Variants in C10orf90 observed in about 807,000 individuals in gnomAD.
The protein encoded by C10orf90 is chromosome 10 open reading frame 90, also known as (E2-independent) E3 ubiquitin-conjugating enzyme FATS.
A neutral mutation model predicts 62.5 loss-of-function variants in C10orf90; 56 were observed. The observed-to-expected ratio is 0.90, with a 90% CI of 0.72 to 1.12. C10orf90 has a LOEUF of 1.12. C10orf90 is among the 50% of genes most tolerant of loss of function. The pLI is 0.00. For missense variants in C10orf90, 970 were observed against 880.4 expected (o/e 1.10, Z -1.29); for synonymous variants, 386 against 340.4 (o/e 1.13, Z -1.47).
intron 1 of C10orf90, among the ~76,000 whole-genome samples, chr10:126,669,400 T>C (rs1846700501): frequency 6.6e-6 from 1 of 152,232 alleles, no homozygotes; most frequent in Non-Finnish European, 1.5e-5. Context: ...CCAGTATTCA[T>C]GGGAAGGCTT....
chr10:126,660,339 G>C (rs1253970553), intron 1 of C10orf90, among the ~76,000 whole-genome samples: 1 of 152,230 alleles, frequency 6.6e-6, no homozygotes, highest in African/African-American at 2.4e-5. Flanking sequence ...GACCTAGTCA[G>C]GTGAGCCTTT....
intron 2 of C10orf90, among the ~76,000 whole-genome samples, chr10:126,580,262 C>T (rs1326573731): frequency 6.6e-6 from 1 of 152,200 alleles, no homozygotes; most frequent in Non-Finnish European, 1.5e-5. Flanking sequence ...CCTGGATAGT[C>T]AACTCTTCTT....
Position 126,586,937 on chromosome 10 carries a change from G to T in C10orf90, c.313+59628C>A, listed in dbSNP as rs145567710. ...CTCTCAGAGGCCAGGAATGCAAAGG[G>T]TCCTCAACGGTCTTCTCTCTATCAG... is the stretch of plus-strand genomic sequence containing the variant. On this transcript the variant is annotated intron_variant, in intron 2 of 9. Transcript: ENST00000488181. Among the ~76,000 whole-genome samples, 1,027 of 152,310 alleles carry T rather than the reference G, an allele frequency of 6.7e-3. 10 individuals are homozygous for T. The highest frequency in any genetic ancestry group is 8.1e-3 in the Non-Finnish European group (552 of 68,030).
chr10:126,458,239 G>A (rs912122643), intron 7 of C10orf90, among the ~76,000 whole-genome samples: 1 of 152,082 alleles, frequency 6.6e-6, no homozygotes, highest in Non-Finnish European at 1.5e-5. Context: ...TTTATTCTGA[G>A]TTATACTCAT....
intron 2 of C10orf90, among the ~76,000 whole-genome samples, chr10:126,557,854 T>C (rs1054117015): frequency 7.2e-5 from 11 of 151,864 alleles, no homozygotes; most frequent in East Asian, 3.9e-4. Flanking sequence ...ACTTTGACCA[T>C]CGAGATGAGT....
chr10:126,452,650 A>G (rs532546789), intron 7 of C10orf90, among the ~76,000 whole-genome samples: 2 of 152,298 alleles, frequency 1.3e-5, no homozygotes, highest in Admixed American at 1.3e-4. Context: ...CTTTAAATCC[A>G]CTTCTAATCA....
intron 7 of C10orf90, among the ~76,000 whole-genome samples, chr10:126,442,487 A>ATC (rs1858419847): frequency 1.0e-5 from 1 of 96,572 alleles, no homozygotes; most frequent in Admixed American, 1.0e-4. Flanking sequence ...TCATATATAT[A>ATC]TATATATATA....
chr10:126,655,901 C>T (rs1291513150), intron 1 of C10orf90, among the ~76,000 whole-genome samples: 1 of 150,824 alleles, frequency 6.6e-6, no homozygotes, highest in Non-Finnish European at 1.5e-5. Context: ...GTTTCCATGA[C>T]ATGCATGCCC....
At chr10:126,512,372 CTGTGTGTGTGTG>C (rs779390627) in intron 3 of C10orf90, among the ~76,000 whole-genome samples, 232 of 65,008 alleles carry the variant, frequency 3.6e-3, no homozygotes, top group Admixed American at 8.4e-3. Context: ...GTATGTGTGT[CTGTGTGTGTGTG>C]TCTGTGTGTG....
chr10:126,486,470 C>T (rs751577926), intron 4 of C10orf90, among the ~76,000 whole-genome samples: 4 of 152,006 alleles, frequency 2.6e-5, no homozygotes, highest in Non-Finnish European at 5.9e-5. Flanking sequence ...AGTAGAGACA[C>T]CAAACTGCAG....
At chr10:126,588,481 C>G (rs1009941697) in intron 2 of C10orf90, among the ~76,000 whole-genome samples, 1 of 152,192 alleles carries the variant, frequency 6.6e-6, no homozygotes, top group African/African-American at 2.4e-5. Context: ...GAGGAAAGAA[C>G]AGGCTGCCAC....
intron 3 of C10orf90, among the ~76,000 whole-genome samples, chr10:126,510,927 C>T (rs1009138364): frequency 1.3e-5 from 2 of 152,338 alleles, no homozygotes; most frequent in South Asian, 2.1e-4. Flanking sequence ...TTTATTTCTC[C>T]AAAGAATAAG....
chr10:126,623,236 G>C (rs1244924984), intron 2 of C10orf90, among the ~76,000 whole-genome samples: 1 of 152,130 alleles, frequency 6.6e-6, no homozygotes, highest in Non-Finnish European at 1.5e-5. Flanking sequence ...AAGGCTACAG[G>C]ACACCCCCAT....
chr10:126,548,745 C>CT (rs71486601), intron 2 of C10orf90, among the ~76,000 whole-genome samples: 9,666 of 142,578 alleles, frequency 0.068, 1,000 homozygotes, highest in African/African-American at 0.22. Context: ...TATTACACAG[C>CT]TTTTTTTTTT....
intron 2 of C10orf90, among the ~76,000 whole-genome samples, chr10:126,521,979 G>A (rs1393387751): frequency 6.6e-6 from 1 of 152,168 alleles, no homozygotes. Flanking sequence ...GCTAAAGATA[G>A]CACCGGCAGC....
intron 2 of C10orf90, among the ~76,000 whole-genome samples, chr10:126,544,602 C>T (rs780923203): frequency 5.3e-5 from 8 of 151,466 alleles, no homozygotes; most frequent in Non-Finnish European, 8.8e-5. Flanking sequence ...GGCATTTCTG[C>T]TTTGTTGGTG....
At chr10:126,490,011 TA>T (rs1564827940) in intron 4 of C10orf90, among the ~76,000 whole-genome samples, 9 of 78,082 alleles carry the variant, frequency 1.2e-4, no homozygotes, top group East Asian at 7.2e-4. Flanking sequence ...ATATTATATA[TA>T]TTATATATAA....
At chr10:126,667,190 C>G (rs1846648209) in intron 1 of C10orf90, among the ~76,000 whole-genome samples, 1 of 151,662 alleles carries the variant, frequency 6.6e-6, no homozygotes, top group Non-Finnish European at 1.5e-5. Flanking sequence ...TCCCGAGTAG[C>G]TGGGACTACA....
At chr10:126,652,687 A>C (rs1447965277) in intron 1 of C10orf90, among the ~76,000 whole-genome samples, 1 of 152,208 alleles carries the variant, frequency 6.6e-6, no homozygotes, top group Non-Finnish European at 1.5e-5. Context: ...GGAGATTTCT[A>C]TGCAAACATC....
Sources: allele counts gnomAD v4.1 joint callset (sites outside exome capture counted in the v4.1 genomes callset), GRCh38; gene constraint gnomAD v4.1.1; transcripts MANE v1.5; gene names NCBI Gene and HGNC (gene_info 2026-07-23, HGNC 2026-07-21).